DRC11: variants seen among roughly 807,000 people sequenced by gnomAD.
DRC11 encodes the protein IQ and AAA domain-containing protein 1.
chr2:236,316,173 CTCTT>C, the DRC11 span, among the ~76,000 whole-genome samples: 8 of 147,588 alleles, frequency 5.4e-5, no homozygotes, highest in African/African-American at 2.1e-4. The surrounding 1 kb of genome is among the most constrained non-coding windows in gnomAD (Gnocchi z 6.8). Flanking sequence ...CTCTCTCTCT[CTCTT>C]TTTGAGATGG....
chr2:236,398,682 C>T, the DRC11 span, among the ~76,000 whole-genome samples: 3 of 152,136 alleles, frequency 2.0e-5, no homozygotes, highest in South Asian at 6.2e-4. The surrounding 1 kb of genome is among the most constrained non-coding windows in gnomAD (Gnocchi z 6.2). Context: ...ATCTGAAAGA[C>T]CAGTTCCTAC....
the DRC11 span, among the ~76,000 whole-genome samples, chr2:236,504,238 G>A: frequency 6.6e-6 from 1 of 152,046 alleles, no homozygotes; most frequent in South Asian, 2.1e-4. The surrounding 1 kb of genome is among the most constrained non-coding windows in gnomAD (Gnocchi z 5.0). Flanking sequence ...TTCCCTCGGT[G>A]CGGTGTCCTC....
the DRC11 span, chr2:236,363,919 G>A: frequency 1.9e-6 from 3 of 1,614,008 alleles, no homozygotes; most frequent in Admixed American, 3.3e-5. This position sits in a 1 kb window ranked among gnomAD's most constrained non-coding sequence, Gnocchi z 5.6. Context: ...CCCTACCCCA[G>A]ACGGCCCGGC....
the DRC11 span, among the ~76,000 whole-genome samples, chr2:236,357,192 T>G: frequency 8.2e-6 from 1 of 121,862 alleles, no homozygotes; most frequent in Non-Finnish European, 1.6e-5. Context: ...TATTCATATA[T>G]ATTATAAATT....
At chr2:236,459,634 T>C in the DRC11 span, among the ~76,000 whole-genome samples, 9 of 138,394 alleles carry the variant, frequency 6.5e-5, no homozygotes, top group Admixed American at 3.5e-4. Context: ...CATACGTATA[T>C]ACGTATATAC....
At chr2:236,377,434 G>A in the DRC11 span, among the ~76,000 whole-genome samples, 7 of 152,258 alleles carry the variant, frequency 4.6e-5, no homozygotes, top group African/African-American at 7.2e-5. This position sits in a 1 kb window ranked among gnomAD's most constrained non-coding sequence, Gnocchi z 4.9. Context: ...ATCTTTGGGC[G>A]TCTGGGACCA....
the DRC11 span, among the ~76,000 whole-genome samples, chr2:236,463,238 C>A: frequency 6.6e-6 from 1 of 152,086 alleles, no homozygotes; most frequent in East Asian, 1.9e-4. This position sits in a 1 kb window ranked among gnomAD's most constrained non-coding sequence, Gnocchi z 5.0. Context: ...CAAATGTATG[C>A]TCTCATGAAA....
chr2:236,319,941 G>T, the DRC11 span, among the ~76,000 whole-genome samples: 5 of 152,170 alleles, frequency 3.3e-5, no homozygotes, highest in African/African-American at 1.2e-4. This position sits in a 1 kb window ranked among gnomAD's most constrained non-coding sequence, Gnocchi z 6.7. Context: ...ACATTCATTT[G>T]TATGACCATT....
chr2:236,381,734 G>A, the DRC11 span, among the ~76,000 whole-genome samples: 1 of 152,196 alleles, frequency 6.6e-6, no homozygotes, highest in Non-Finnish European at 1.5e-5. The surrounding 1 kb of genome is among the most constrained non-coding windows in gnomAD (Gnocchi z 5.8). Flanking sequence ...TTTGCCATCT[G>A]TACATCCTCT....
At chr2:236,415,599 T>A in the DRC11 span, among the ~76,000 whole-genome samples, 1 of 152,220 alleles carries the variant, frequency 6.6e-6, no homozygotes, top group Non-Finnish European at 1.5e-5. This position sits in a 1 kb window ranked among gnomAD's most constrained non-coding sequence, Gnocchi z 5.7. Context: ...ACTATGCAGA[T>A]CTGCATTTTT....
chr2:236,341,717 G>T, the DRC11 span, among the ~76,000 whole-genome samples: 1 of 152,176 alleles, frequency 6.6e-6, no homozygotes, highest in Non-Finnish European at 1.5e-5. Flanking sequence ...CGAAGCTGGT[G>T]GTTTCCCCCC....
chr2:236,490,123 C>T, the DRC11 span, among the ~76,000 whole-genome samples: 3 of 152,028 alleles, frequency 2.0e-5, no homozygotes, highest in African/African-American at 7.3e-5. The surrounding 1 kb of genome is among the most constrained non-coding windows in gnomAD (Gnocchi z 5.5). Context: ...GGGTCAGGGG[C>T]ACAGGAAGGA....
the DRC11 span, among the ~76,000 whole-genome samples, chr2:236,357,815 T>A: frequency 7.9e-6 from 1 of 126,466 alleles, no homozygotes; most frequent in African/African-American, 3.2e-5. Flanking sequence ...ATATAGAATA[T>A]ATAAATATAC....
the DRC11 span, among the ~76,000 whole-genome samples, chr2:236,394,908 T>G: frequency 1.3e-5 from 2 of 152,100 alleles, no homozygotes; most frequent in African/African-American, 4.8e-5. This position sits in a 1 kb window ranked among gnomAD's most constrained non-coding sequence, Gnocchi z 7.0. Flanking sequence ...CACAGAGATA[T>G]GGAGGACCAG....
chr2:236,328,290 G>A, the DRC11 span, among the ~76,000 whole-genome samples: 16,456 of 151,988 alleles, frequency 0.11, 2,232 homozygotes, highest in African/African-American at 0.32. The surrounding 1 kb of genome is among the most constrained non-coding windows in gnomAD (Gnocchi z 6.7). Context: ...TGTGACTTCA[G>A]GGGTTTTAAT....
the DRC11 span, chr2:236,408,060 C>A: frequency 1.7e-6 from 1 of 590,202 alleles, no homozygotes. The surrounding 1 kb of genome is among the most constrained non-coding windows in gnomAD (Gnocchi z 5.5). Flanking sequence ...TGGTTCCCAC[C>A]ACACATTCCT....
chr2:236,346,778 C>T, the DRC11 span: 2 of 168,016 alleles, frequency 1.2e-5, no homozygotes, highest in East Asian at 1.9e-4. Flanking sequence ...TAGCGAAAGG[C>T]AGTCTCCCAA....
chr2:236,426,721 T>C, the DRC11 span, among the ~76,000 whole-genome samples: 3 of 152,186 alleles, frequency 2.0e-5, no homozygotes, highest in African/African-American at 7.2e-5. The surrounding 1 kb of genome is among the most constrained non-coding windows in gnomAD (Gnocchi z 4.1). Context: ...GATTTTTCTA[T>C]ATGCAAGATC....
the DRC11 span, among the ~76,000 whole-genome samples, chr2:236,322,390 C>T: frequency 6.7e-6 from 1 of 149,646 alleles, no homozygotes; most frequent in Non-Finnish European, 1.5e-5. Flanking sequence ...GCCCGCCACC[C>T]CACCCGGCTA....
Sources: allele counts gnomAD v4.1 joint callset (sites outside exome capture counted in the v4.1 genomes callset), GRCh38; gene constraint gnomAD v4.1.1; non-coding constraint Gnocchi (gnomAD v3.1); transcripts MANE v1.5; gene names NCBI Gene and HGNC (gene_info 2026-07-23, HGNC 2026-07-21).